TAFA1: variants seen among roughly 807,000 people sequenced by gnomAD.
The protein encoded by TAFA1 is chemokine-like protein TAFA-1.
A neutral mutation model predicts 18.5 loss-of-function variants in TAFA1; 4 were observed. That is an observed-to-expected ratio of 0.22 (90% CI 0.11 to 0.49). The LOEUF is 0.49. TAFA1 is among the 20% of genes least tolerant of loss of function. The pLI is 0.98. For synonymous variants in TAFA1, 56 were observed against 55.2 expected, an observed-to-expected ratio of 1.01 and a Z score of -0.06; for missense variants, 147 against 169.0, an observed-to-expected ratio of 0.87 and a Z score of 0.72.
intron 2 of TAFA1, among the ~76,000 whole-genome samples, chr3:68,124,316 C>A (rs2065439273): frequency 6.6e-6 from 1 of 152,168 alleles, no homozygotes; most frequent in South Asian, 2.1e-4. Context: ...TTTTGTCACT[C>A]TGTACTTTCT....
chr3:68,464,869 C>G (rs1176682195), intron 3 of TAFA1, among the ~76,000 whole-genome samples: 1 of 152,010 alleles, frequency 6.6e-6, no homozygotes, highest in Non-Finnish European at 1.5e-5. Context: ...TTGCTAAGTG[C>G]CAAAGGAGAG....
chr3:68,146,287 G>A (rs1039809027), intron 2 of TAFA1, among the ~76,000 whole-genome samples: 16 of 152,278 alleles, frequency 1.1e-4, no homozygotes, highest in Admixed American at 3.9e-4. Flanking sequence ...TGAGGCTGGC[G>A]TAGGGACCAC....
At chr3:68,425,613 A>C (rs921733000) in intron 3 of TAFA1, among the ~76,000 whole-genome samples, 2 of 151,956 alleles carry the variant, frequency 1.3e-5, no homozygotes. Flanking sequence ...GAGGAATGAG[A>C]GGATGAATGT....
At chr3:68,505,380 G>A (rs1235841258) in intron 3 of TAFA1, among the ~76,000 whole-genome samples, 1 of 152,016 alleles carries the variant, frequency 6.6e-6, no homozygotes, top group Admixed American at 6.6e-5. Flanking sequence ...CAAGTTTAAG[G>A]GTCACATTTT....
At chr3:68,364,723 T>C (rs2069533193) in intron 2 of TAFA1, among the ~76,000 whole-genome samples, 1 of 152,250 alleles carries the variant, frequency 6.6e-6, no homozygotes, top group African/African-American at 2.4e-5. Flanking sequence ...ATAATTAACA[T>C]AACTAACATT....
At chr3:68,457,678 A>G (rs1365430989) in intron 3 of TAFA1, among the ~76,000 whole-genome samples, 1 of 152,138 alleles carries the variant, frequency 6.6e-6, no homozygotes, top group Non-Finnish European at 1.5e-5. Context: ...TCTCTTAGCA[A>G]TTTTCAAAAA....
intron 2 of TAFA1, among the ~76,000 whole-genome samples, chr3:68,342,407 T>C (rs1484683109): frequency 6.6e-6 from 1 of 152,220 alleles, no homozygotes; most frequent in African/African-American, 2.4e-5. Flanking sequence ...TGTGAACTTG[T>C]TTATTCCCAT....
At chr3:68,199,051 G>A (rs2066444372) in intron 2 of TAFA1, among the ~76,000 whole-genome samples, 1 of 151,492 alleles carries the variant, frequency 6.6e-6, no homozygotes, top group Non-Finnish European at 1.5e-5. Context: ...TTTATGAAGA[G>A]TATAAAGTCT....
rs530675380 is a variant in TAFA1, at chr3:68,351,932, G to GTCCTATTTGGGAT, written c.119-65323_119-65311dup. Among the ~76,000 whole-genome samples, 538 of 152,034 alleles carry GTCCTATTTGGGAT rather than the reference G, an allele frequency of 3.5e-3. 4 individuals carry two copies. Among genetic ancestry groups the GTCCTATTTGGGAT allele is most frequent in the African/African-American group, 0.012 (502 of 41,490 alleles). ...CATCTTAATGGTCTTCAGCTCAACAGTCCTATTTGGGATTCCTATTTGGGA... is the reference window on the plus strand; with the variant it reads ...CATCTTAATGGTCTTCAGCTCAACAGTCCTATTTGGGATTCCTATTTGGGATTCCTATTTGGGA... On this transcript the variant is annotated intron_variant, in intron 2 of 4. Coordinates refer to ENST00000478136, the MANE Select transcript of TAFA1 (RefSeq NM_213609.4).
intron 3 of TAFA1, among the ~76,000 whole-genome samples, chr3:68,453,861 T>C (rs569080721): frequency 1.3e-5 from 2 of 152,326 alleles, no homozygotes; most frequent in South Asian, 2.1e-4. Flanking sequence ...GCATATTCTT[T>C]ATTGATAAAG....
intron 2 of TAFA1, among the ~76,000 whole-genome samples, chr3:68,390,752 C>T (rs1204427764): frequency 1.3e-5 from 2 of 152,156 alleles, no homozygotes; most frequent in Non-Finnish European, 2.9e-5. Context: ...AGCAGATCTG[C>T]AGAAGAGGGA....
chr3:68,529,490 G>GAACTTCC (rs985209022), intron 3 of TAFA1, among the ~76,000 whole-genome samples: 3 of 118,756 alleles, frequency 2.5e-5, no homozygotes, highest in African/African-American at 9.3e-5. Flanking sequence ...TTGCTTTCAA[G>GAACTTCC]AACTTCCATA....
intron 2 of TAFA1, chr3:68,145,502 C>T: frequency 1.0e-6 from 1 of 975,726 alleles, no homozygotes; most frequent in Non-Finnish European, 1.7e-6. Flanking sequence ...GCCCAGAAAG[C>T]CAGTTGCAGG....
chr3:68,283,859 T>A (rs1423471992), intron 2 of TAFA1, among the ~76,000 whole-genome samples: 1 of 152,154 alleles, frequency 6.6e-6, no homozygotes. Flanking sequence ...TTGGCAAAAT[T>A]TTCATTGATT....
chr3:68,155,460 T>G (rs1281307561), intron 2 of TAFA1, among the ~76,000 whole-genome samples: 1 of 152,152 alleles, frequency 6.6e-6, no homozygotes, highest in Non-Finnish European at 1.5e-5. Flanking sequence ...GTATGGAAGT[T>G]GAGTGAGGAT....
chr3:68,177,854 T>A (rs5008557), intron 2 of TAFA1, among the ~76,000 whole-genome samples: 101,235 of 152,036 alleles, frequency 0.67, 34,568 homozygotes, highest in South Asian at 0.78. Flanking sequence ...AATTAAAAAC[T>A]TAACCCTGGG....
chr3:68,473,040 G>A (rs2072029878), intron 3 of TAFA1, among the ~76,000 whole-genome samples: 1 of 152,192 alleles, frequency 6.6e-6, no homozygotes, highest in South Asian at 2.1e-4. Flanking sequence ...TTGCCAACAA[G>A]TTGGAGTCAA....
intron 2 of TAFA1, among the ~76,000 whole-genome samples, chr3:68,026,728 G>C (rs1476457161): frequency 6.6e-6 from 1 of 152,138 alleles, no homozygotes; most frequent in Admixed American, 6.6e-5. Flanking sequence ...TGCAGTCTGT[G>C]CTCCTAACTA....
At chr3:68,490,235 A>G (rs1253886547) in intron 3 of TAFA1, among the ~76,000 whole-genome samples, 5 of 152,214 alleles carry the variant, frequency 3.3e-5, no homozygotes, top group Non-Finnish European at 7.3e-5. Flanking sequence ...CAGTGAACCA[A>G]TATTTTCCAG....
Sources: gnomAD v4.1 joint callset for allele counts (sites outside exome capture counted in the v4.1 genomes callset) on GRCh38, gnomAD v4.1.1 for gene constraint, MANE v1.5 for transcripts, NCBI Gene and HGNC (gene_info 2026-07-23, HGNC 2026-07-21) for gene names.